The following DOCK3 variants were observed in gnomAD, a reference collection of about 807,000 sequenced individuals.
DOCK3 encodes dedicator of cytokinesis 3.
In DOCK3, 60 loss-of-function variants were observed where a neutral mutation model predicts 265.6. The ratio of observed to expected loss-of-function variants is 0.23; its 90% CI spans 0.18 to 0.28. The LOEUF (loss-of-function observed/expected upper bound fraction) is 0.28, where lower values mean the gene tolerates loss of function less well. DOCK3 is among the 10% of genes least tolerant of loss of function. The pLI, the probability that DOCK3 is intolerant of heterozygous loss-of-function variation, is 1.00. For synonymous variants in DOCK3, 881 were observed against 938.0 expected, an observed-to-expected ratio of 0.94 and a Z score of 1.11; for missense variants, 1,981 against 2,594.3, an observed-to-expected ratio of 0.76 and a Z score of 5.14.
At chr3:51,336,601 A>G (rs1229741404) in intron 35 of DOCK3, among the ~76,000 whole-genome samples, 1 of 152,320 alleles carries the variant, frequency 6.6e-6, no homozygotes, top group East Asian at 1.9e-4. Flanking sequence ...AGAGGAAAGC[A>G]ACAGCTGCAC....
At chr3:50,950,489 A>C (rs2076560797) in intron 5 of DOCK3, among the ~76,000 whole-genome samples, 1 of 152,194 alleles carries the variant, frequency 6.6e-6, no homozygotes, top group Non-Finnish European at 1.5e-5. Context: ...TTGTTAGGCC[A>C]TAAAGTAGTA....
chr3:51,149,766 A>G (rs185514920), intron 10 of DOCK3, among the ~76,000 whole-genome samples: 29 of 152,330 alleles, frequency 1.9e-4, no homozygotes, highest in Admixed American at 3.9e-4. Context: ...GGATTTTTGC[A>G]TCGACGTTCA....
chr3:51,249,150 TG>T (rs1170918608), intron 22 of DOCK3, among the ~76,000 whole-genome samples: 6 of 81,916 alleles, frequency 7.3e-5, no homozygotes, highest in African/African-American at 2.6e-4. Flanking sequence ...GGGAGGGAGG[TG>T]GGGGGGTCAG....
At chr3:50,947,253 T>C (rs1334687664) in intron 5 of DOCK3, among the ~76,000 whole-genome samples, 2 of 152,186 alleles carry the variant, frequency 1.3e-5, no homozygotes, top group African/African-American at 4.8e-5. Context: ...TTGTAATATA[T>C]AGCTTTCACA....
At chr3:50,914,486 TGCATGTAACTGCAACTTTGAAA>T (rs1461700262) in intron 4 of DOCK3, among the ~76,000 whole-genome samples, 3 of 152,170 alleles carry the variant, frequency 2.0e-5, no homozygotes, top group Non-Finnish European at 2.9e-5. Flanking sequence ...TTGTTTAATT[TGCATGTAACTGCAACTTTGAAA>T]GTTTTTCTTG....
At chr3:50,863,757 C>T (rs2675824) in intron 3 of DOCK3, among the ~76,000 whole-genome samples, 8,487 of 152,170 alleles carry the variant, frequency 0.056, 841 homozygotes, top group African/African-American at 0.19. Context: ...TAATGATCAC[C>T]GGTTCCATTT....
intron 9 of DOCK3, among the ~76,000 whole-genome samples, chr3:51,114,352 G>A (rs1030141740): frequency 1.3e-5 from 2 of 152,188 alleles, no homozygotes; most frequent in African/African-American, 2.4e-5. Context: ...CATTTCAAGA[G>A]CAGAGATAGG....
At chr3:51,248,878 G>A (rs568706777) in intron 22 of DOCK3, among the ~76,000 whole-genome samples, 65 of 149,198 alleles carry the variant, frequency 4.4e-4, no homozygotes, top group East Asian at 2.4e-3. Flanking sequence ...GCCTCTGCCC[G>A]GCCGCCACCC....
chr3:51,374,502 C>T lies in DOCK3; in HGVS notation c.5327C>T (p.Ala1776Val). The change falls in exon 50 of 53, where the codon GCC (alanine) becomes GTC (valine). Residue 1776 changes from alanine (A) to valine (V), a missense_variant. Transcript: ENST00000266037. This position sits in a 1 kb window ranked among gnomAD's most constrained non-coding sequence, Gnocchi z 4.8. ...SPSLPDKYRH[A>V]REMMLLLPTY... The stretch of plus-strand genomic sequence containing the variant: ...TCTCTGCCAGATAAGTACCGCCATG[C>T]CCGTGAAATGATGTTGTTGCTGCCC... The T allele has an allele frequency of 1.9e-6, 3 of 1,613,670 alleles. No individual in the cohort carries two copies. In the South Asian group the frequency reaches 3.3e-5, roughly 18 times the overall value.
At chr3:50,697,340 A>C (rs1284707894) in intron 1 of DOCK3, among the ~76,000 whole-genome samples, 1 of 152,108 alleles carries the variant, frequency 6.6e-6, no homozygotes, top group African/African-American at 2.4e-5. Flanking sequence ...CTGTAATCCC[A>C]GCATTTTGGG....
chr3:51,252,118 A>G (rs950232718), intron 22 of DOCK3, among the ~76,000 whole-genome samples: 12 of 152,220 alleles, frequency 7.9e-5, no homozygotes, highest in Admixed American at 7.2e-4. Context: ...TTAAATAGGG[A>G]ATCCTTTCCC....
intron 25 of DOCK3, among the ~76,000 whole-genome samples, chr3:51,276,059 G>A (rs1468112945): frequency 1.3e-5 from 2 of 152,152 alleles, no homozygotes; most frequent in East Asian, 1.9e-4. Flanking sequence ...TAAAATGAAG[G>A]GCAGTTGCCA....
At chr3:50,741,296 T>C (rs1233824600) in intron 1 of DOCK3, among the ~76,000 whole-genome samples, 3 of 151,396 alleles carry the variant, frequency 2.0e-5, no homozygotes, top group Admixed American at 6.6e-5. Flanking sequence ...TATTATTCTT[T>C]AAGTTTTAGG....
chr3:50,806,551 A>C (rs1458695062), intron 2 of DOCK3, among the ~76,000 whole-genome samples: 1 of 151,042 alleles, frequency 6.6e-6, no homozygotes, highest in Non-Finnish European at 1.5e-5. Context: ...CTGGCTCTCA[A>C]GGGCATGTTC....
intron 7 of DOCK3, among the ~76,000 whole-genome samples, chr3:51,083,628 T>C (rs1329105692): frequency 5.9e-5 from 9 of 152,094 alleles, no homozygotes; most frequent in African/African-American, 2.2e-4. Context: ...GAACTGAAGC[T>C]TTAGTGAATG....
chr3:51,207,893 G>A (rs1055425215), intron 12 of DOCK3, among the ~76,000 whole-genome samples: 7 of 152,094 alleles, frequency 4.6e-5, no homozygotes, highest in African/African-American at 1.4e-4. Context: ...AACTCCCTAA[G>A]TGTCAAATGG....
At chr3:50,916,917 G>A (rs2050162158) in intron 4 of DOCK3, among the ~76,000 whole-genome samples, 1 of 151,710 alleles carries the variant, frequency 6.6e-6, no homozygotes, top group African/African-American at 2.4e-5. Flanking sequence ...ACAAGTGCTA[G>A]GGGCTTCTAA....
intron 2 of DOCK3, among the ~76,000 whole-genome samples, chr3:50,824,433 G>C (rs1262416673): frequency 1.3e-5 from 2 of 152,128 alleles, no homozygotes; most frequent in Non-Finnish European, 2.9e-5. Context: ...AGGCAAAGGA[G>C]GGTTGTAATT....
At chr3:51,225,816 A>G (rs770058038) in intron 15 of DOCK3, 43 bp downstream of exon 15, 56 of 1,579,380 alleles carry the variant, frequency 3.5e-5, no homozygotes, top group Non-Finnish European at 4.3e-5. Context: ...GGATAATCCT[A>G]TAATAATTCT....
Sources: allele counts gnomAD v4.1 joint callset (sites outside exome capture counted in the v4.1 genomes callset), GRCh38; gene constraint gnomAD v4.1.1; non-coding constraint Gnocchi (gnomAD v3.1); transcripts MANE v1.5; gene names NCBI Gene and HGNC (gene_info 2026-07-23, HGNC 2026-07-21).